The following CCDC141 variants were observed in gnomAD, a reference collection of about 807,000 sequenced individuals.
CCDC141 encodes the protein coiled-coil domain containing 141.
A neutral mutation model predicts 181.0 loss-of-function variants in CCDC141; 168 were observed. The ratio of observed to expected loss-of-function variants is 0.93; its 90% confidence interval spans 0.82 to 1.05. CCDC141 has a LOEUF of 1.05. Ranked by LOEUF, CCDC141 falls within the 50% of genes least tolerant of loss-of-function variation. The pLI, the probability that CCDC141 is intolerant of heterozygous loss-of-function variation, is 0.00. For missense variants in CCDC141, 1,902 were observed against 1,788.5 expected, an observed-to-expected ratio of 1.06 and a Z score of -1.14; for synonymous variants, 666 against 642.3, an observed-to-expected ratio of 1.04 and a Z score of -0.56.
chr2:179,027,852 C>T (rs139497440), intron 2 of CCDC141, among the ~76,000 whole-genome samples: 6 of 151,912 alleles, frequency 3.9e-5, no homozygotes, highest in Admixed American at 2.0e-4. Context: ...TTATCAACAG[C>T]GTGAAAACTA....
chr2:179,049,802 C>A (rs945978174), intron 1 of CCDC141, 38 bp downstream of exon 1: 21 of 1,549,360 alleles, frequency 1.4e-5, no homozygotes, highest in Non-Finnish European at 1.7e-5. Context: ...CAGCTAGAAG[C>A]CCACAGCCGC....
intron 2 of CCDC141, among the ~76,000 whole-genome samples, chr2:179,015,390 G>GTATCATATATCTCTCATATAT (rs1351687314): frequency 7.5e-6 from 1 of 132,540 alleles, no homozygotes; most frequent in African/African-American, 2.8e-5. Context: ...TCTCATATAT[G>GTATCATATATCTCTCATATAT]TATCATATAT....
At position 179,039,516 on chromosome 2, in the gene CCDC141, G is replaced by A. The variant is rs147907160; in HGVS notation, c.225+7768C>T. On this transcript the variant is annotated intron_variant, in intron 2 of 23. Coordinates refer to ENST00000443758, the MANE Select transcript of CCDC141 (RefSeq NM_173648.4). ...TCTTTTTAGGTGTGTGAAGGTAACC[G>A]TTATTATTATTCTAATTTCTCAAAT... 2.2e-4 allele frequency among the ~76,000 whole-genome samples: 34 copies of A among 152,088 alleles called. No homozygotes were observed. The East Asian group carries it at 4.2e-3, about 19-fold the overall frequency.
intron 6 of CCDC141, among the ~76,000 whole-genome samples, chr2:178,941,870 G>A (rs2635133): frequency 6.7e-6 from 1 of 148,630 alleles, no homozygotes; most frequent in Non-Finnish European, 1.5e-5. Flanking sequence ...TGAGGTGGGA[G>A]AATCGCTTGA....
chr2:178,890,794 G>A (rs1687111081), intron 8 of CCDC141, among the ~76,000 whole-genome samples: 1 of 152,150 alleles, frequency 6.6e-6, no homozygotes, highest in Non-Finnish European at 1.5e-5. Flanking sequence ...ATTGTACAGT[G>A]TCATGGGAAA....
intron 7 of CCDC141, among the ~76,000 whole-genome samples, chr2:178,909,920 A>G (rs1053381090): frequency 1.3e-5 from 2 of 152,146 alleles, no homozygotes; most frequent in African/African-American, 4.8e-5. Context: ...CTGGATTGGG[A>G]AAAAAGGATA....
At chr2:178,975,594 T>C (rs1322941252) in intron 3 of CCDC141, among the ~76,000 whole-genome samples, 2 of 152,180 alleles carry the variant, frequency 1.3e-5, no homozygotes, top group East Asian at 3.8e-4. Flanking sequence ...TCTATACATT[T>C]ACAAGTAAAT....
intron 20 of CCDC141, among the ~76,000 whole-genome samples, chr2:178,852,688 G>A (rs16866566): frequency 9.9e-5 from 15 of 152,154 alleles, no homozygotes; most frequent in African/African-American, 3.6e-4. Context: ...ACCAACTGTT[G>A]TGTCTTCTTT....
At chr2:178,842,824 A>G (rs909436081) in intron 22 of CCDC141, among the ~76,000 whole-genome samples, 1 of 152,204 alleles carries the variant, frequency 6.6e-6, no homozygotes, top group Non-Finnish European at 1.5e-5. Flanking sequence ...GTAATGTGGT[A>G]TTTTGGGGCA....
intron 23 of CCDC141, among the ~76,000 whole-genome samples, chr2:178,835,472 C>A (rs368893929): frequency 2.6e-5 from 4 of 152,198 alleles, no homozygotes; most frequent in African/African-American, 7.2e-5. Context: ...TTTCTACCCA[C>A]AATCTATCAC....
chr2:179,016,473 G>A (rs2042546172), intron 2 of CCDC141, among the ~76,000 whole-genome samples: 1 of 152,108 alleles, frequency 6.6e-6, no homozygotes, highest in South Asian at 2.1e-4. Flanking sequence ...TCTAAGTGAA[G>A]GATTTCTGCA....
intron 2 of CCDC141, among the ~76,000 whole-genome samples, chr2:178,993,830 A>G (rs1314038637): frequency 6.6e-6 from 1 of 152,190 alleles, no homozygotes; most frequent in Non-Finnish European, 1.5e-5. Context: ...AATAGGATAA[A>G]TTGGCCAAAA....
chr2:178,897,274 T>C (rs563286182), intron 8 of CCDC141, among the ~76,000 whole-genome samples: 1 of 152,298 alleles, frequency 6.6e-6, no homozygotes, highest in South Asian at 2.1e-4. Flanking sequence ...TCACATTCGA[T>C]GCTTGGAAAC....
chr2:178,846,574 A>G (rs1182106281), intron 21 of CCDC141, among the ~76,000 whole-genome samples: 1 of 152,128 alleles, frequency 6.6e-6, no homozygotes, highest in Non-Finnish European at 1.5e-5. Context: ...TTCAGTCCCA[A>G]CTCTAAACCG....
At chr2:178,888,807 A>G in intron 8 of CCDC141, 139 bp from the exon 9 acceptor site, 4 of 855,888 alleles carry the variant, frequency 4.7e-6, no homozygotes, top group Admixed American at 2.8e-5. Context: ...AGTAGCTATC[A>G]TCTCGGCATA....
At chr2:178,972,002 A>G (rs1690911875) in intron 4 of CCDC141, among the ~76,000 whole-genome samples, 3 of 152,130 alleles carry the variant, frequency 2.0e-5, no homozygotes, top group Admixed American at 2.0e-4. Context: ...GCAGCAAACC[A>G]CCATGGCACA....
chr2:178,868,608 C>CAAA (rs71393439), intron 15 of CCDC141, among the ~76,000 whole-genome samples: 38 of 85,516 alleles, frequency 4.4e-4, no homozygotes, highest in African/African-American at 1.6e-3. Flanking sequence ...ACTTGAAGTG[C>CAAA]AAAAAAAAAA....
chr2:178,962,202 T>C (rs907003022), intron 4 of CCDC141, among the ~76,000 whole-genome samples: 1 of 152,192 alleles, frequency 6.6e-6, no homozygotes, highest in Non-Finnish European at 1.5e-5. Flanking sequence ...TAACATCTTG[T>C]AGAATTGGGA....
Position 178,981,636 on chromosome 2 carries a change from G to GTA in CCDC141, c.226-2963_226-2962dup, listed in dbSNP as rs1193430874. Among the ~76,000 whole-genome samples, 54 of 62,388 alleles carry GTA rather than the reference G, an allele frequency of 8.7e-4. 5 individuals are homozygous for GTA. Among genetic ancestry groups the GTA allele is most frequent in the African/African-American group, 2.4e-3 (43 of 18,240 alleles). 40.9% of individuals were successfully genotyped at this position (62,388 alleles called of 152,430 possible). On this transcript the variant is annotated intron_variant, in intron 2 of 23. Transcript: ENST00000443758. The stretch of plus-strand genomic sequence containing the variant: ...TTTGTAGCATTGAATGTGTGTGTGT[G>GTA]TATATATATATATATATATATACAT...
Sources: gnomAD v4.1 joint callset for allele counts (sites outside exome capture counted in the v4.1 genomes callset) on GRCh38, gnomAD v4.1.1 for gene constraint, MANE v1.5 for transcripts, NCBI Gene and HGNC (gene_info 2026-07-23, HGNC 2026-07-21) for gene names.